The following CD22 variants were observed in gnomAD, a reference collection of about 807,000 sequenced individuals.
CD22 encodes the protein CD22 molecule.
In CD22, 51 loss-of-function variants were observed where a neutral mutation model predicts 94.7. The observed-to-expected ratio is 0.54, with a 90% CI of 0.43 to 0.68. The LOEUF (loss-of-function observed/expected upper bound fraction) is 0.68. CD22 is among the 30% of genes least tolerant of loss of function. The pLI is 0.00. For missense variants in CD22, 931 were observed against 1,060.4 expected (o/e 0.88, Z 1.69); for synonymous variants, 424 against 422.5 (o/e 1.00, Z -0.04).
intron 12 of CD22, 128 bp downstream of exon 12, chr19:35,345,848 A>G (rs4805119): frequency 0.34 from 244,988 of 721,306 alleles, 43,016 homozygotes; most frequent in South Asian, 0.51. Context: ...CCTCATTCCC[A>G]CTCGGCAACA....
In CD22 at chr19:35,329,685, G is replaced by A. The variant is rs545897774; in HGVS notation, c.-23+455G>A. 3.7e-5 allele frequency: 6 copies of A among 161,906 alleles called. No individual in the cohort carries two copies. The South Asian group carries it at 5.2e-4, about 14-fold the overall frequency. 10.0% of individuals were successfully genotyped at this position (161,906 alleles called of 1,614,324 possible). ...CAGCACACAGTCCTGCTCTGGAGGC[G>A]CCCATCTCCCACTCATGCTGGGATG... On this transcript the variant is annotated intron_variant, in intron 1 of 13. Transcript: ENST00000085219.
At position 35,338,104 on chromosome 19, in the gene CD22, G is replaced by A. The variant is rs1444450889; in HGVS notation, c.986-64G>A. On this transcript the variant is annotated intron_variant, in intron 5 of 13. Coordinates refer to ENST00000085219, the MANE Select transcript of CD22 (RefSeq NM_001771.4). ...AGAGGGGAGCCACGGGGGCTCTCGG[G>A]GCCGTGTGCACAGGTTGGGGGTGCT... The A allele has an allele frequency of 2.5e-6, 4 of 1,574,424 alleles. No individual in the cohort carries two copies. In the Admixed American group the frequency reaches 5.2e-5, roughly 20 times the overall value.
At chr19:35,345,562 G>C (rs773776561) in intron 11 of CD22, 40 bp from the exon 12 acceptor site, 1 of 1,305,308 alleles carries the variant, frequency 7.7e-7, no homozygotes, top group Admixed American at 1.7e-5. Flanking sequence ...CGAGGGTTGG[G>C]GAACAGGTGG....
chr19:35,341,304 A>G lies in CD22; in HGVS notation c.1508-39A>G, dbSNP rs2066804187. The stretch of plus-strand genomic sequence containing the variant: ...GAGGCCTGGGGACAGCAAAAGGGAC[A>G]GGGAGCGGAGAGGTCAGCTTGGGAC... On this transcript the variant is annotated intron_variant, in intron 7 of 13. Coordinates refer to ENST00000085219, the MANE Select transcript of CD22 (RefSeq NM_001771.4). The surrounding 1 kb of genome is among the most constrained non-coding windows in gnomAD (Gnocchi z 4.0). 6.2e-7 allele frequency: 1 copy of G among 1,604,914 alleles called. No individual in the cohort carries two copies. The highest frequency in any genetic ancestry group is 1.7e-5 in the Admixed American group (1 of 59,146).
rs770244366 is a variant in CD22 at position 35,340,791 on chromosome 19, G to A, written c.1250-90G>A. Reference sequence around the variant, plus strand: ...TAATTTAGGACCTGTGCAGATGCCCGGGACAGGTAGCGGGAGAAGAGGAAG... The same window carrying A: ...TAATTTAGGACCTGTGCAGATGCCCAGGACAGGTAGCGGGAGAAGAGGAAG... On this transcript the variant is annotated intron_variant, in intron 6 of 13. Coordinates refer to ENST00000085219, the MANE Select transcript of CD22 (RefSeq NM_001771.4). The A allele has an allele frequency of 1.1e-4, 153 of 1,443,948 alleles. 1 individual carries two copies. Among genetic ancestry groups the A allele is most frequent in the South Asian group, 1.5e-4 (13 of 83,878 alleles). 89.4% of individuals were successfully genotyped at this position (1,443,948 alleles called of 1,614,324 possible). A position where few individuals can be genotyped will look rare whatever the true frequency, so the allele number is the denominator to read the frequency against.
At chr19:35,345,760 G>A in intron 12 of CD22, 40 bp downstream of exon 12, 1 of 1,367,154 alleles carries the variant, frequency 7.3e-7, no homozygotes, top group Non-Finnish European at 1.0e-6. Context: ...CACCCTGGGA[G>A]GGAGGCGGGA....
chr19:35,336,274 G>A lies in CD22; in HGVS notation c.651G>A (p.Val217=). 8 of 1,614,232 alleles carry A rather than the reference G, an allele frequency of 5.0e-6. No individual in the cohort carries two copies. Among genetic ancestry groups the A allele is most frequent in the Non-Finnish European group, 6.8e-6 (8 of 1,180,040 alleles). ...SPQWSHHGKI[V]TCQLQDADGK... ...AGTGGAGTCACCATGGGAAGATTGT[G>A]ACCTGCCAGCTTCAGGATGCAGATG... The change falls in exon 4 of 14, where the codon GTG becomes GTA. Residue 217 remains valine (V), a synonymous_variant. Coordinates refer to ENST00000085219, the MANE Select transcript of CD22 (RefSeq NM_001771.4).
At chr19:35,338,998 G>A (rs1373972904) in intron 6 of CD22, among the ~76,000 whole-genome samples, 1 of 151,768 alleles carries the variant, frequency 6.6e-6, no homozygotes, top group Non-Finnish European at 1.5e-5. Context: ...TCTTTAGGAG[G>A]CTGAGGCAGG....
rs909723623 is a variant in CD22, at chr19:35,346,174, A to G, written c.2351A>G (p.Gln784Arg). 3 of 1,613,800 alleles carry G rather than the reference A, an allele frequency of 1.9e-6. No individual in the cohort carries two copies. The highest frequency in any genetic ancestry group is 2.5e-6 in the Non-Finnish European group (3 of 1,179,838). Reference sequence around the variant, plus strand: ...AGAGATGCAGAGTCCTCAGAGATGCAGAGACCTCCCCCGGACTGCGATGAC... The same window carrying G: ...AGAGATGCAGAGTCCTCAGAGATGCGGAGACCTCCCCCGGACTGCGATGAC... ...RTGDAESSEM[Q>R]RPPPDCDDTV... is the part of the protein sequence containing the mutation. The change falls in exon 13 of 14, where the codon CAG (glutamine) becomes CGG (arginine). Residue 784 changes from glutamine to arginine, a missense_variant. Physicochemically the swap from Gln to Arg is conservative, Grantham distance 43. Transcript: ENST00000085219.
chr19:35,337,216 G>T lies in CD22; in HGVS notation c.719-539G>T, dbSNP rs1419033721. ...ATCGCACCACTGCACTCCAACCTGG[G>T]TGACGAGTGAGACTCCATCTCAAAA... On this transcript the variant is annotated intron_variant, in intron 4 of 13. Coordinates refer to ENST00000085219, the MANE Select transcript of CD22 (RefSeq NM_001771.4). The surrounding 1 kb of genome is among the most constrained non-coding windows in gnomAD (Gnocchi z 4.4). Among the ~76,000 whole-genome samples the T allele has an allele frequency of 1.3e-5, 2 of 151,980 alleles. No individual in the cohort carries two copies. The highest frequency in any genetic ancestry group is 2.4e-5 in the African/African-American group (1 of 41,366).
In CD22 at chr19:35,341,719, C is replaced by G. The variant is rs150827700; in HGVS notation, c.1789C>G (p.Arg597Gly). 4 of 1,610,464 alleles carry G rather than the reference C, an allele frequency of 2.5e-6. No individual in the cohort carries two copies. In the South Asian group the frequency reaches 4.4e-5, roughly 18 times the overall value. Residue 597 changes from arginine to glycine, a missense_variant, in exon 9 of 14, where the codon CGT (arginine) becomes GGT (glycine). Coordinates refer to ENST00000085219, the MANE Select transcript of CD22 (RefSeq NM_001771.4). This position sits in a 1 kb window ranked among gnomAD's most constrained non-coding sequence, Gnocchi z 4.0. ...LEVLYAPRRL[R>G]VSMSPGDQVM... ...CCATGCAGATGCACCCAGGAGGCTG[C>G]GTGTGTCCATGAGCCCGGGGGACCA... is the stretch of plus-strand genomic sequence containing the variant.
intron 6 of CD22, among the ~76,000 whole-genome samples, chr19:35,339,037 C>A (rs2066767719): frequency 6.6e-6 from 1 of 151,826 alleles, no homozygotes; most frequent in African/African-American, 2.4e-5. Flanking sequence ...GAGTTTGAAA[C>A]CAGCCTGGGC....
In CD22 at chr19:35,338,419, C is replaced by T. The variant is rs61743666; in HGVS notation, c.1237C>T (p.Leu413=). 9.5e-4 allele frequency: 1,525 copies of T among 1,612,816 alleles called. 6 individuals are homozygous for T. The highest frequency in any genetic ancestry group is 5.4e-3 in the African/African-American group (402 of 75,004). Residue 413 remains leucine (L), a synonymous_variant, in exon 6 of 14, where the codon CTG becomes TTG. Coordinates refer to ENST00000085219, the MANE Select transcript of CD22 (RefSeq NM_001771.4). ...TGGACAGAGGGGCCCGGGAGCTGAG[C>T]TGGATGTCCAGTGTGAGTAGCCACG... ...GTGQRGPGAE[L]DVQYPPKKVT...
intron 2 of CD22, 120 bp from the exon 3 acceptor site, chr19:35,332,427 C>A: frequency 9.1e-7 from 1 of 1,093,038 alleles, no homozygotes; most frequent in Non-Finnish European, 1.3e-6. Context: ...GCTTGGACAA[C>A]ATAGCAAGAC....
chr19:35,332,186 G>A lies in CD22; in HGVS notation c.34+112G>A, dbSNP rs994550058. On this transcript the variant is annotated intron_variant, in intron 2 of 13. Coordinates refer to ENST00000085219, the MANE Select transcript of CD22 (RefSeq NM_001771.4). ...CAACATAGGGTAGGGTGGGGGCAGC[G>A]GTGTGTATAGATAAATGTACATACA... 3.3e-5 allele frequency: 38 copies of A among 1,152,866 alleles called. No homozygotes were observed. The East Asian group carries it at 5.2e-4, about 16-fold the overall frequency. The allele number at this position is 1,152,866 out of a possible 1,614,324, so 71.4% of individuals were successfully genotyped here. A position where few individuals can be genotyped will look rare whatever the true frequency, so the allele number is the denominator to read the frequency against.
At chr19:35,335,393 A>G (rs2066706629) in intron 3 of CD22, among the ~76,000 whole-genome samples, 1 of 150,632 alleles carries the variant, frequency 6.6e-6, no homozygotes, top group Admixed American at 6.6e-5. Flanking sequence ...CTGTCTCTAC[A>G]AAATGTTTAA....
chr19:35,336,472 C>T (rs957901783), intron 4 of CD22, 131 bp downstream of exon 4: 11 of 771,346 alleles, frequency 1.4e-5, no homozygotes, highest in African/African-American at 1.0e-4. Flanking sequence ...CTGGTCACGC[C>T]GCCTTGTCAG....
chr19:35,343,324 C>G (rs78967195), intron 9 of CD22, among the ~76,000 whole-genome samples: 193 of 152,232 alleles, frequency 1.3e-3, no homozygotes, highest in African/African-American at 4.5e-3. Flanking sequence ...ACAGACGCGG[C>G]TCACTCTTGA....
rs183915407 is a variant in CD22 at position 35,333,558 on chromosome 19, C to T, written c.412+634C>T. Reference sequence around the variant, plus strand: ...TTCCTCTTCTTTTCCCCTTCCCCTTCCTTTCCCTTTTTATGAGACAGGGTC... The same window carrying T: ...TTCCTCTTCTTTTCCCCTTCCCCTTTCTTTCCCTTTTTATGAGACAGGGTC... On this transcript the variant is annotated intron_variant, in intron 3 of 13. Transcript: ENST00000085219. Among the ~76,000 whole-genome samples the T allele has an allele frequency of 3.4e-4, 51 of 152,222 alleles. 1 individual carries two copies. The highest frequency in any genetic ancestry group is 3.2e-3 in the Admixed American group (49 of 15,284).
Sources: gnomAD v4.1 joint callset for allele counts (sites outside exome capture counted in the v4.1 genomes callset) on GRCh38, gnomAD v4.1.1 for gene constraint, Gnocchi (gnomAD v3.1) non-coding constraint, MANE v1.5 for transcripts, NCBI Gene and HGNC (gene_info 2026-07-23, HGNC 2026-07-21) for gene names.